Variants in ANKRD46 observed in about 807,000 individuals in gnomAD.
ANKRD46 encodes the protein ankyrin repeat domain-containing protein 46.
ANKRD46 carries 13 observed loss-of-function variants against 19.8 expected under a neutral mutation model. The ratio of observed to expected loss-of-function variants is 0.66; its 90% CI spans 0.43 to 1.04. The LOEUF (loss-of-function observed/expected upper bound fraction) is 1.04, where lower values mean the gene tolerates loss of function less well. Ranked by LOEUF, ANKRD46 falls within the 50% of genes least tolerant of loss-of-function variation. The pLI is 0.00. For missense variants in ANKRD46, 185 were observed against 274.8 expected, an observed-to-expected ratio of 0.67 and a Z score of 2.31; for synonymous variants, 91 against 106.9, an observed-to-expected ratio of 0.85 and a Z score of 0.92.
At chr8:100,526,960 A>T (rs1811854217) in intron 4 of ANKRD46, among the ~76,000 whole-genome samples, 1 of 151,926 alleles carries the variant, frequency 6.6e-6, no homozygotes, top group Non-Finnish European at 1.5e-5. Context: ...GAGGCTATGG[A>T]AGCTCAGCAT....
In ANKRD46 at chr8:100,532,439, A is replaced by G. The variant is rs1811984429; in HGVS notation, c.-28+770T>C. The G allele has an allele frequency of 6.6e-6, 1 of 152,250 alleles. No individual in the cohort carries two copies. 9.4% of individuals were successfully genotyped at this position (152,250 alleles called of 1,614,324 possible). ...AGCTGTGATTGAGCCACAGCACTCC[A>G]GCCTGGGCATCAAAGTGAGGCCTGT... On this transcript the variant is annotated intron_variant, in intron 2 of 4. Coordinates refer to ENST00000335659, the MANE Select transcript of ANKRD46 (RefSeq NM_001270377.2). The surrounding 1 kb of genome is among the most constrained non-coding windows in gnomAD (Gnocchi z 4.7).
chr8:100,551,675 T>A, intron 1 of ANKRD46: 3 of 650,484 alleles, frequency 4.6e-6, no homozygotes. Flanking sequence ...GTGCCCAATA[T>A]GGCCCAAATC....
intron 5 of ANKRD46, among the ~76,000 whole-genome samples, chr8:100,513,944 T>A (rs1811588980): frequency 6.6e-6 from 1 of 152,228 alleles, no homozygotes; most frequent in Non-Finnish European, 1.5e-5. Flanking sequence ...TTTTTATTTC[T>A]TATGGACTGA....
At chr8:100,558,178 T>G (rs1812538026) in intron 1 of ANKRD46, among the ~76,000 whole-genome samples, 1 of 152,240 alleles carries the variant, frequency 6.6e-6, no homozygotes, top group Non-Finnish European at 1.5e-5. Context: ...ATTTCCACAA[T>G]GGGAAATACA....
downstream of ANKRD46, among the ~76,000 whole-genome samples, chr8:100,516,075 T>G (rs984596710): frequency 6.6e-6 from 1 of 152,200 alleles, no homozygotes; most frequent in African/African-American, 2.4e-5. Flanking sequence ...TTTCTCCACA[T>G]TGGTCAGGCT....
In ANKRD46 at chr8:100,536,822, C is replaced by G. The variant is rs368029182; in HGVS notation, c.-130-3511G>C. 1.1e-4 allele frequency among the ~76,000 whole-genome samples: 17 copies of G among 152,268 alleles called. No homozygotes were observed. The East Asian group carries it at 2.7e-3, about 24-fold the overall frequency. On this transcript the variant is annotated intron_variant, in intron 1 of 4. Coordinates refer to ENST00000335659, the MANE Select transcript of ANKRD46 (RefSeq NM_001270377.2). The surrounding 1 kb of genome is among the most constrained non-coding windows in gnomAD (Gnocchi z 4.9). ...GCAGACTAGCTGGCATTGTTAAAAG[C>G]AGAACTTTGGGGGTCAGGTTTTTGA... is the stretch of plus-strand genomic sequence containing the variant.
chr8:100,541,899 G>C (rs1271721670), intron 1 of ANKRD46, among the ~76,000 whole-genome samples: 1 of 152,192 alleles, frequency 6.6e-6, no homozygotes, highest in Non-Finnish European at 1.5e-5. Context: ...ATTCAGCACA[G>C]TAACATGCTG....
intron 1 of ANKRD46, among the ~76,000 whole-genome samples, chr8:100,535,008 C>T (rs1812036326): frequency 6.6e-6 from 1 of 152,214 alleles, no homozygotes; most frequent in Non-Finnish European, 1.5e-5. Flanking sequence ...CTCAGGTGAT[C>T]CACCCACCTT....
In ANKRD46 at chr8:100,511,055, G is replaced by A. The variant is rs950927588; in HGVS notation, c.637-416C>T. On this transcript the variant is annotated intron_variant, in intron 5 of 5. Transcript: ENST00000520552. The surrounding 1 kb of genome is among the most constrained non-coding windows in gnomAD (Gnocchi z 4.1). The stretch of plus-strand genomic sequence containing the variant: ...AGGGCAGAGCTCTAGATTGTGCTTG[G>A]CCTAAAGAGGAAGTAATCATATAAT... Among the ~76,000 whole-genome samples the A allele has an allele frequency of 6.6e-6, 1 of 152,200 alleles. No individual in the cohort carries two copies. Among genetic ancestry groups the A allele is most frequent in the Non-Finnish European group, 1.5e-5 (1 of 68,028 alleles).
At chr8:100,513,154 G>A (rs1428118148) in intron 5 of ANKRD46, among the ~76,000 whole-genome samples, 1 of 152,184 alleles carries the variant, frequency 6.6e-6, no homozygotes. Context: ...CTGGAGTTTA[G>A]TCAATAAAAC....
At position 100,510,797 on chromosome 8, in the gene ANKRD46, A is replaced by C. The variant is rs1383305895; in HGVS notation, c.637-158T>G. On this transcript the variant is annotated intron_variant, in intron 5 of 5. Coordinates refer to the ANKRD46 transcript ENST00000520552. This position sits in a 1 kb window ranked among gnomAD's most constrained non-coding sequence, Gnocchi z 4.9. ...ATCTCAGCTCTCAACGCTCACAGGA[A>C]GGGTCCTGCCGCTTCACAACTGTCC... 6.6e-6 allele frequency among the ~76,000 whole-genome samples: 1 copy of C among 152,224 alleles called. No homozygotes were observed. The highest frequency in any genetic ancestry group is 6.5e-5 in the Admixed American group (1 of 15,290).
chr8:100,530,624 C>T lies in ANKRD46; in HGVS notation c.-27-764G>A, dbSNP rs573367307. Among the ~76,000 whole-genome samples, 3 of 152,258 alleles carry T rather than the reference C, an allele frequency of 2.0e-5. No individual in the cohort carries two copies. In the South Asian group the frequency reaches 6.2e-4, roughly 32 times the overall value. On this transcript the variant is annotated intron_variant, in intron 2 of 4. Coordinates refer to ENST00000335659, the MANE Select transcript of ANKRD46 (RefSeq NM_001270377.2). ...GGTCTTGAACTCCTGACCTCATGAT[C>T]CGCCTGCCTTGGCCTTGCAAAAAGT...
At chr8:100,526,739 A>C (rs1811850159) in intron 4 of ANKRD46, among the ~76,000 whole-genome samples, 2 of 152,214 alleles carry the variant, frequency 1.3e-5, no homozygotes, top group Admixed American at 1.3e-4. Context: ...ACACGAGAGG[A>C]GGAAAGCAAA....
At position 100,510,307 on chromosome 8, in the gene ANKRD46, C is replaced by T. The variant is rs554129666; in HGVS notation, c.*270G>A. ...TGCCTTGTGGAGGTGGCATCCTGCC[C>T]GGGCGGAGGAGGGGATGGTTCCTGG... is the stretch of plus-strand genomic sequence containing the variant. On this transcript the variant is annotated 3_prime_UTR_variant, in exon 6 of 6. Coordinates refer to the ANKRD46 transcript ENST00000520552. The surrounding 1 kb of genome is among the most constrained non-coding windows in gnomAD (Gnocchi z 4.9). The T allele has an allele frequency of 4.1e-5, 16 of 391,414 alleles. No individual in the cohort carries two copies. Among genetic ancestry groups the T allele is most frequent in the Admixed American group, 8.2e-5 (2 of 24,340 alleles). 24.2% of individuals were successfully genotyped at this position (391,414 alleles called of 1,614,324 possible). A position where few individuals can be genotyped will look rare whatever the true frequency, so the allele number is the denominator to read the frequency against.
chr8:100,545,372 G>A lies in ANKRD46; in HGVS notation c.-130-12061C>T, dbSNP rs541052047. On this transcript the variant is annotated intron_variant, in intron 1 of 4. Transcript: ENST00000335659. The surrounding 1 kb of genome is among the most constrained non-coding windows in gnomAD (Gnocchi z 4.7). ...ACCCCCATGCTGTTCTCATGATAGT[G>A]AGGGAGGGCTCATAAATAAGATCAG... is the stretch of plus-strand genomic sequence containing the variant. Among the ~76,000 whole-genome samples, 1 of 152,194 alleles carries A rather than the reference G, an allele frequency of 6.6e-6. No homozygotes were observed. The highest frequency in any genetic ancestry group is 6.5e-5 in the Admixed American group (1 of 15,292).
At chr8:100,542,105 C>G (rs1812186404) in intron 1 of ANKRD46, among the ~76,000 whole-genome samples, 2 of 151,990 alleles carry the variant, frequency 1.3e-5, no homozygotes, top group Admixed American at 6.6e-5. Flanking sequence ...AAGGGCCCTC[C>G]TCCCTACACT....
chr8:100,543,635 T>C lies in ANKRD46; in HGVS notation c.-130-10324A>G, dbSNP rs1247150112. Reference sequence around the variant, plus strand: ...GGAGAGTAAGTTTCTTGTTTTTAAATAAATAAATTACACTCTCAGGATTGA... The same window carrying C: ...GGAGAGTAAGTTTCTTGTTTTTAAACAAATAAATTACACTCTCAGGATTGA... On this transcript the variant is annotated intron_variant, in intron 1 of 4. Transcript: ENST00000335659. The surrounding 1 kb of genome is among the most constrained non-coding windows in gnomAD (Gnocchi z 4.2). Among the ~76,000 whole-genome samples the C allele has an allele frequency of 1.3e-5, 2 of 152,184 alleles. No individual in the cohort carries two copies. Among genetic ancestry groups the C allele is most frequent in the African/African-American group, 4.8e-5 (2 of 41,462 alleles).
intron 1 of ANKRD46, among the ~76,000 whole-genome samples, chr8:100,538,668 C>A (rs963251484): frequency 2.0e-5 from 3 of 151,990 alleles, no homozygotes; most frequent in Admixed American, 2.0e-4. Context: ...AATAATGAAC[C>A]AGTAATCTTT....
chr8:100,543,530 TAAAC>T lies in ANKRD46; in HGVS notation c.-130-10223_-130-10220del, dbSNP rs952751833. ...CTTGTACTCAAGAGAACTACAGTGTTAAACAAAGATAATTATGATTTAAAAATTA... is the reference window on the plus strand; with the variant it reads ...CTTGTACTCAAGAGAACTACAGTGTTAAAGATAATTATGATTTAAAAATTA... On this transcript the variant is annotated intron_variant, in intron 1 of 4. Coordinates refer to ENST00000335659, the MANE Select transcript of ANKRD46 (RefSeq NM_001270377.2). This position sits in a 1 kb window ranked among gnomAD's most constrained non-coding sequence, Gnocchi z 4.2. Among the ~76,000 whole-genome samples, 77 of 152,316 alleles carry T rather than the reference TAAAC, an allele frequency of 5.1e-4. No homozygotes were observed. The highest frequency in any genetic ancestry group is 1.5e-3 in the African/African-American group (64 of 41,580).
Sources: gnomAD v4.1 joint callset for allele counts (sites outside exome capture counted in the v4.1 genomes callset) on GRCh38, gnomAD v4.1.1 for gene constraint, Gnocchi (gnomAD v3.1) non-coding constraint, MANE v1.5 for transcripts, NCBI Gene and HGNC (gene_info 2026-07-23, HGNC 2026-07-21) for gene names.